ANK2: variants seen among roughly 807,000 people sequenced by gnomAD.
ANK2 encodes ankyrin 2, also known as ankyrin-2.
A neutral mutation model predicts 360.5 loss-of-function variants in ANK2; 83 were observed. That is an observed-to-expected ratio of 0.23 (90% CI 0.19 to 0.28). ANK2 has a LOEUF of 0.28. Ranked by LOEUF, ANK2 falls within the 10% of genes least tolerant of loss-of-function variation. The pLI, the probability that ANK2 is intolerant of heterozygous loss-of-function variation, is 1.00. For missense variants in ANK2, 4,201 were observed against 4,795.7 expected (o/e 0.88, Z 3.66); for synonymous variants, 1,740 against 1,759.5 (o/e 0.99, Z 0.28).
intron 2 of ANK2, among the ~76,000 whole-genome samples, chr4:112,961,105 G>C (rs368713599): frequency 6.6e-6 from 1 of 150,990 alleles, no homozygotes; most frequent in Non-Finnish European, 1.5e-5. Flanking sequence ...AGACAAATAG[G>C]TTACAGACAA....
chr4:113,027,205 A>G (rs1477824780), intron 2 of ANK2, among the ~76,000 whole-genome samples: 1 of 152,042 alleles, frequency 6.6e-6, no homozygotes, highest in Non-Finnish European at 1.5e-5. Context: ...TGAATAAACT[A>G]TTTTGATAGT....
intron 24 of ANK2, chr4:113,317,416 A>G: frequency 2.3e-6 from 1 of 430,414 alleles, no homozygotes; most frequent in Non-Finnish European, 4.4e-6. Flanking sequence ...AATAAACTAC[A>G]GTTGCTGGTT....
intron 5 of ANK2, among the ~76,000 whole-genome samples, chr4:113,236,114 T>A (rs1288925363): frequency 1.3e-5 from 2 of 152,160 alleles, no homozygotes. Flanking sequence ...TTGAGACTTG[T>A]TTTCCAACTT....
intron 45 of ANK2, among the ~76,000 whole-genome samples, chr4:113,378,852 C>T (rs1287291739): frequency 2.6e-5 from 4 of 151,842 alleles, no homozygotes; most frequent in African/African-American, 9.7e-5. Flanking sequence ...TTCCACAGAT[C>T]TACTCTGGCT....
intron 1 of ANK2, among the ~76,000 whole-genome samples, chr4:112,885,796 C>CAAAAAAAAAAAA (rs750277917): frequency 1.9e-4 from 5 of 26,974 alleles, no homozygotes; most frequent in African/African-American, 4.6e-4. Context: ...GACTCTGTCT[C>CAAAAAAAAAAAA]AAAAAAAAAA....
chr4:112,836,256 G>A (rs113972273), intron 1 of ANK2, among the ~76,000 whole-genome samples: 19,839 of 152,116 alleles, frequency 0.13, 2,054 homozygotes, highest in East Asian at 0.5. Context: ...CTGCCACCTT[G>A]TGAAGAAGGT....
chr4:113,275,356 A>C (rs564343911), intron 15 of ANK2, among the ~76,000 whole-genome samples: 33 of 152,244 alleles, frequency 2.2e-4, no homozygotes, highest in Non-Finnish European at 3.2e-4. Context: ...AAACATGAAT[A>C]TACTCAGCTA....
intron 2 of ANK2, among the ~76,000 whole-genome samples, chr4:113,183,752 G>A (rs960679915): frequency 6.6e-6 from 1 of 151,752 alleles, no homozygotes; most frequent in Non-Finnish European, 1.5e-5. Context: ...GGAAGTGAGC[G>A]GATAAGGTAG....
chr4:113,058,297 G>A (rs1441907132), intron 1 of ANK2, among the ~76,000 whole-genome samples: 6 of 152,072 alleles, frequency 3.9e-5, no homozygotes, highest in African/African-American at 1.4e-4. Flanking sequence ...AAATTAAAAA[G>A]AAATTGTGAA....
At chr4:112,788,727 AG>A in the ANK2 span, 3 of 1,593,244 alleles carry the variant, frequency 1.9e-6, no homozygotes, top group South Asian at 3.3e-5. Flanking sequence ...AAAGCGGGTG[AG>A]GTCTCTTTTG....
intron 23 of ANK2, among the ~76,000 whole-genome samples, chr4:113,304,640 G>A (rs1339908594): frequency 1.3e-5 from 2 of 152,142 alleles, no homozygotes; most frequent in Non-Finnish European, 2.9e-5. Context: ...GAGCTAGTGT[G>A]AACATGACAA....
chr4:112,940,874 GA>G (rs944879807), intron 2 of ANK2, among the ~76,000 whole-genome samples: 1 of 152,074 alleles, frequency 6.6e-6, no homozygotes, highest in Non-Finnish European at 1.5e-5. Flanking sequence ...TCGTGTCAAA[GA>G]GTATGATTTA....
rs1019881151 is a variant in ANK2, at chr4:112,884,260, G to A, written c.-39-20195G>A. On this transcript the variant is annotated intron_variant, in intron 1 of 30. Coordinates refer to the ANK2 transcript ENST00000503271. ...TCTACTTTTTGGCCTGTGGGTAATAGAATAGATCAGGAGTTTGATTATTTA... is the reference window on the plus strand; with the variant it reads ...TCTACTTTTTGGCCTGTGGGTAATAAAATAGATCAGGAGTTTGATTATTTA... 8.9e-4 allele frequency among the ~76,000 whole-genome samples: 135 copies of A among 152,262 alleles called. 1 individual carries two copies. In the Middle Eastern group the frequency reaches 0.014, roughly 15 times the overall value.
chr4:113,277,462 G>C (rs1018955698), intron 15 of ANK2, among the ~76,000 whole-genome samples: 3 of 152,118 alleles, frequency 2.0e-5, no homozygotes, highest in Non-Finnish European at 2.9e-5. Context: ...AGAGAAGGAG[G>C]GTTGGAGAGA....
At chr4:112,809,413 T>G in the ANK2 span, among the ~76,000 whole-genome samples, 1 of 150,452 alleles carries the variant, frequency 6.6e-6, no homozygotes, top group East Asian at 2.0e-4. Context: ...TACAAAAAAT[T>G]AGCCGGGCAT....
intron 23 of ANK2, among the ~76,000 whole-genome samples, chr4:113,307,624 A>C (rs2077871656): frequency 6.6e-6 from 1 of 152,068 alleles, no homozygotes; most frequent in Admixed American, 6.6e-5. Context: ...GCTGCTCTCG[A>C]ACTCCTGACC....
intron 1 of ANK2, among the ~76,000 whole-genome samples, chr4:112,858,285 A>G (rs2066946303): frequency 6.6e-6 from 1 of 152,188 alleles, no homozygotes; most frequent in African/African-American, 2.4e-5. Context: ...ATTTTTAGTC[A>G]CAAAAATAAG....
upstream of ANK2, among the ~76,000 whole-genome samples, chr4:113,047,072 G>A (rs757349078): frequency 2.0e-5 from 3 of 152,118 alleles, no homozygotes; most frequent in Non-Finnish European, 4.4e-5. Context: ...TACGACAAAG[G>A]TTTTCCATTT....
At chr4:112,821,207 G>A (rs1011750690) in intron 1 of ANK2, among the ~76,000 whole-genome samples, 8 of 152,020 alleles carry the variant, frequency 5.3e-5, no homozygotes, top group African/African-American at 1.7e-4. Flanking sequence ...GAGCCACCCC[G>A]CCCGGCCCCT....
Sources: gnomAD v4.1 joint callset for allele counts (sites outside exome capture counted in the v4.1 genomes callset) on GRCh38, gnomAD v4.1.1 for gene constraint, MANE v1.5 for transcripts, NCBI Gene and HGNC (gene_info 2026-07-23, HGNC 2026-07-21) for gene names.